The following SRGAP1 variants were observed in gnomAD, a reference collection of about 807,000 sequenced individuals.
SRGAP1 encodes the protein SLIT-ROBO Rho GTPase-activating protein 1.
A neutral mutation model predicts 121.9 loss-of-function variants in SRGAP1; 43 were observed. The ratio of observed to expected loss-of-function variants is 0.35; its 90% CI spans 0.28 to 0.46. The LOEUF is 0.46. SRGAP1 is among the 20% of genes least tolerant of loss of function. The probability of loss-of-function intolerance (pLI) is 1.00; values close to 1 mark genes in which losing one functional copy is unlikely to be tolerated. For missense variants in SRGAP1, 1,102 were observed against 1,350.9 expected (o/e 0.82, Z 2.89); for synonymous variants, 447 against 485.4 (o/e 0.92, Z 1.04).
chr12:64,099,704 G>A (rs1356360419), intron 15 of SRGAP1, among the ~76,000 whole-genome samples: 1 of 152,196 alleles, frequency 6.6e-6, no homozygotes, highest in East Asian at 1.9e-4. Flanking sequence ...CATGTCCAAA[G>A]ATTTCCCTCA....
At chr12:63,865,489 A>T (rs1899597103) in intron 1 of SRGAP1, among the ~76,000 whole-genome samples, 1 of 152,178 alleles carries the variant, frequency 6.6e-6, no homozygotes, top group Non-Finnish European at 1.5e-5. Context: ...TGCCAAAAAA[A>T]AAATCTGTGC....
At chr12:63,957,294 C>T (rs764428819) in intron 1 of SRGAP1, among the ~76,000 whole-genome samples, 6 of 152,186 alleles carry the variant, frequency 3.9e-5, no homozygotes, top group South Asian at 4.1e-4. Context: ...AGCAGGTCAG[C>T]GCCAGTGAGC....
chr12:63,951,052 C>G (rs1325020875), intron 1 of SRGAP1, among the ~76,000 whole-genome samples: 1 of 145,682 alleles, frequency 6.9e-6, no homozygotes, highest in Non-Finnish European at 1.5e-5. Context: ...GGGATTCATT[C>G]GTATCCTTAC....
rs1443981629 is a variant in SRGAP1 at position 64,127,737 on chromosome 12, T to C, written c.2540+13T>C. The C allele has an allele frequency of 4.3e-6, 7 of 1,613,302 alleles. No homozygotes were observed. The African/African-American group carries it at 9.3e-5, about 22-fold the overall frequency. On this transcript the variant is annotated intron_variant, in intron 20 of 21. Transcript: ENST00000355086. ...GCTATTTAGCCAGGTAAGTAGAGCC[T>C]GGGAATCAGGCCCCTAAGCCTCCGC...
intron 3 of SRGAP1, among the ~76,000 whole-genome samples, chr12:64,014,876 C>CTG (rs1406472454): frequency 5.3e-5 from 8 of 151,996 alleles, no homozygotes; most frequent in African/African-American, 1.9e-4. Context: ...GAGTGCAGTG[C>CTG]TGTGATCTCG....
intron 6 of SRGAP1, among the ~76,000 whole-genome samples, chr12:64,052,415 C>T (rs11175243): frequency 0.11 from 16,595 of 151,902 alleles, 1,067 homozygotes; most frequent in South Asian, 0.31. Flanking sequence ...ATTAGCCAGG[C>T]GTGGTGGTGG....
chr12:64,038,115 A>G (rs765507767), intron 4 of SRGAP1, among the ~76,000 whole-genome samples: 9 of 152,188 alleles, frequency 5.9e-5, no homozygotes, highest in Non-Finnish European at 1.3e-4. Flanking sequence ...TCTTTGCCTC[A>G]GTTTTTTCAT....
intron 1 of SRGAP1, among the ~76,000 whole-genome samples, chr12:63,860,828 CTTT>C (rs56144118): frequency 1.4e-5 from 2 of 145,584 alleles, no homozygotes; most frequent in South Asian, 2.2e-4. Flanking sequence ...TTCTTGCCCT[CTTT>C]TTTTTTTTTA....
At chr12:64,005,460 A>G (rs2034050951) in intron 3 of SRGAP1, among the ~76,000 whole-genome samples, 1 of 152,110 alleles carries the variant, frequency 6.6e-6, no homozygotes, top group South Asian at 2.1e-4. Flanking sequence ...TGGGCAACAT[A>G]GCAAGACCCC....
At chr12:64,023,375 C>T (rs1363929302) in intron 4 of SRGAP1, among the ~76,000 whole-genome samples, 1 of 152,094 alleles carries the variant, frequency 6.6e-6, no homozygotes, top group Non-Finnish European at 1.5e-5. Flanking sequence ...CCTTCATCGG[C>T]CCAGTAAAGA....
At chr12:64,022,274 G>A (rs2034566092) in intron 4 of SRGAP1, among the ~76,000 whole-genome samples, 1 of 152,096 alleles carries the variant, frequency 6.6e-6, no homozygotes, top group South Asian at 2.1e-4. Context: ...CAGCCAGGAG[G>A]GTTAATGGTA....
At chr12:64,057,563 A>G (rs1295305360) in intron 6 of SRGAP1, among the ~76,000 whole-genome samples, 1 of 152,166 alleles carries the variant, frequency 6.6e-6, no homozygotes, top group Non-Finnish European at 1.5e-5. Flanking sequence ...GTCCTTTATA[A>G]TTCACTTTGC....
chr12:64,115,940 A>G (rs776900122), intron 18 of SRGAP1, 47 bp downstream of exon 18: 6 of 1,481,536 alleles, frequency 4.0e-6, no homozygotes, highest in African/African-American at 2.8e-5. Flanking sequence ...TTATATCCCT[A>G]TTGTAAACAA....
At chr12:63,864,313 T>C (rs1339394818) in intron 1 of SRGAP1, among the ~76,000 whole-genome samples, 2 of 152,230 alleles carry the variant, frequency 1.3e-5, no homozygotes, top group Non-Finnish European at 2.9e-5. Context: ...ATTATCATTG[T>C]GGTTATTCAT....
At position 64,150,389 on chromosome 12, in the gene SRGAP1, G is replaced by C. The variant is rs960031550; in HGVS notation, c.*7717G>C. On this transcript the variant is annotated 3_prime_UTR_variant, in exon 22 of 22. Coordinates refer to ENST00000355086, the MANE Select transcript of SRGAP1 (RefSeq NM_020762.4). ...TCACTGGGTTTCTTTTAGCTGCTTG[G>C]CTGTGCAGCTGAAGTTAGGACTTTT... 1 of 152,158 alleles carries C rather than the reference G, an allele frequency of 6.6e-6. No individual in the cohort carries two copies. The highest frequency in any genetic ancestry group is 2.4e-5 in the African/African-American group (1 of 41,420). 9.4% of individuals were successfully genotyped at this position (152,158 alleles called of 1,614,324 possible). A position where few individuals can be genotyped will look rare whatever the true frequency, so the allele number is the denominator to read the frequency against.
chr12:63,910,627 A>G (rs2030449281), intron 1 of SRGAP1, among the ~76,000 whole-genome samples: 1 of 152,196 alleles, frequency 6.6e-6, no homozygotes, highest in South Asian at 2.1e-4. Flanking sequence ...AAATGCATGG[A>G]ACCTTACAGT....
chr12:63,861,686 C>G (rs1220826510), intron 1 of SRGAP1, among the ~76,000 whole-genome samples: 2 of 152,088 alleles, frequency 1.3e-5, no homozygotes, highest in African/African-American at 4.8e-5. Flanking sequence ...GACTCATGAC[C>G]TGTTTAAAAA....
intron 21 of SRGAP1, among the ~76,000 whole-genome samples, chr12:64,138,306 T>G (rs753200567): frequency 2.0e-5 from 3 of 152,130 alleles, no homozygotes; most frequent in Non-Finnish European, 4.4e-5. Flanking sequence ...TTATTTCCCT[T>G]TAAGGGAAGT....
At chr12:64,030,055 A>G (rs909544761) in intron 4 of SRGAP1, among the ~76,000 whole-genome samples, 1 of 152,230 alleles carries the variant, frequency 6.6e-6, no homozygotes, top group African/African-American at 2.4e-5. Flanking sequence ...AATTTATTGG[A>G]TAAAATAGCA....
Sources: allele counts gnomAD v4.1 joint callset (sites outside exome capture counted in the v4.1 genomes callset), GRCh38; gene constraint gnomAD v4.1.1; transcripts MANE v1.5; gene names NCBI Gene and HGNC (gene_info 2026-07-23, HGNC 2026-07-21).